ADAT1: variants seen among roughly 807,000 people sequenced by gnomAD.
The protein encoded by ADAT1 is tRNA-specific adenosine deaminase 1.
A neutral mutation model predicts 58.6 loss-of-function variants in ADAT1; 58 were observed. That is an observed-to-expected ratio of 0.99 (90% CI 0.80 to 1.23). ADAT1 has a LOEUF of 1.23. Among genes scored for constraint, ADAT1 ranks in the 50% most tolerant of loss-of-function variants. The pLI is 0.00. For synonymous variants in ADAT1, 254 were observed against 220.8 expected, an observed-to-expected ratio of 1.15 and a Z score of -1.33; for missense variants, 741 against 608.6, an observed-to-expected ratio of 1.22 and a Z score of -2.29.
intron 4 of ADAT1, 85 bp downstream of exon 4, chr16:75,618,501 G>A (rs1259815617): frequency 1.8e-5 from 16 of 906,406 alleles, no homozygotes; most frequent in Non-Finnish European, 2.3e-5. Flanking sequence ...GCAAGACTCT[G>A]TCCCCCCCAA....
At chr16:75,613,390 C>T (rs2151767458) in intron 5 of ADAT1, among the ~76,000 whole-genome samples, 1 of 152,274 alleles carries the variant, frequency 6.6e-6, no homozygotes, top group South Asian at 2.1e-4. Flanking sequence ...CAATCTCTAC[C>T]TCCTGGGTTC....
chr16:75,609,507 A>C (rs960764775), intron 6 of ADAT1, among the ~76,000 whole-genome samples: 25 of 152,322 alleles, frequency 1.6e-4, no homozygotes, highest in Admixed American at 9.8e-4. Flanking sequence ...TTTTTTAAAA[A>C]AAAACAAAAA....
chr16:75,604,456 AATATAT>A (rs769971149), intron 8 of ADAT1, among the ~76,000 whole-genome samples: 7 of 48,786 alleles, frequency 1.4e-4, no homozygotes, highest in African/African-American at 4.2e-4. Flanking sequence ...AAAAAAAAAA[AATATAT>A]ATATATATAT....
chr16:75,621,246 T>G (rs945826231), intron 1 of ADAT1, among the ~76,000 whole-genome samples: 5 of 127,078 alleles, frequency 3.9e-5, no homozygotes, highest in African/African-American at 1.4e-4. Context: ...CTTATCTGTC[T>G]TCTTTTTCCA....
chr16:75,611,886 C>T (rs189946450), intron 6 of ADAT1, among the ~76,000 whole-genome samples: 298 of 151,752 alleles, frequency 2.0e-3, no homozygotes, highest in African/African-American at 3.5e-3. Context: ...GGTGAAACCC[C>T]GTCTCTACTA....
chr16:75,600,350 T>A lies in ADAT1; in HGVS notation c.1377-2A>T. 6.2e-7 allele frequency: 1 copy of A among 1,613,370 alleles called. No individual in the cohort carries two copies. ...TGGTAGGTATCCAGCTTCTGCACCC[T>A]AATGCACACAGGCCACCAAATACAC... is the stretch of plus-strand genomic sequence containing the variant. On this transcript the variant is annotated splice_acceptor_variant, in intron 9 of 9. Coordinates refer to ENST00000564657, the MANE Select transcript of ADAT1 (RefSeq NM_001324445.2). LOFTEE classifies it high-confidence loss of function.
chr16:75,609,038 C>G, intron 6 of ADAT1, 50 bp from the exon 7 acceptor site: 2 of 1,605,472 alleles, frequency 1.2e-6, no homozygotes, highest in South Asian at 2.2e-5. Flanking sequence ...CTAGAGAAAA[C>G]AGTATCTAGG....
At chr16:75,617,078 T>C (rs1349693982) in intron 5 of ADAT1, 64 bp downstream of exon 5, 5 of 1,536,780 alleles carry the variant, frequency 3.3e-6, no homozygotes, top group East Asian at 2.3e-5. Context: ...AACCTACCTA[T>C]GGATAACACA....
Position 75,612,397 on chromosome 16 carries a change from T to C in ADAT1, c.889A>G (p.Met297Val), listed in dbSNP as rs974210484. ...CGGGCCATCTTGTCACTACAGGACA[T>C]GGAGCGTGTTCTGTCTCCACGGCCT... is the stretch of plus-strand genomic sequence containing the variant. ...KPGRGDRTRSMSCSDKMARWN... is the reference protein window; with the variant it reads ...KPGRGDRTRSVSCSDKMARWN... Residue 297 changes from methionine to valine, a missense_variant, in exon 6 of 10, where the codon ATG (methionine) becomes GTG (valine). Met to Val is a conservative substitution (Grantham distance 21, BLOSUM62 1). Transcript: ENST00000564657. The C allele has an allele frequency of 1.2e-6, 2 of 1,614,116 alleles. No individual in the cohort carries two copies. Among genetic ancestry groups the C allele is most frequent in the African/African-American group, 1.3e-5 (1 of 74,944 alleles).
At position 75,605,739 on chromosome 16, in the gene ADAT1, C is replaced by G. The variant is rs181031116; in HGVS notation, c.1289+2485G>C. 3.8e-3 allele frequency among the ~76,000 whole-genome samples: 570 copies of G among 151,606 alleles called. 1 individual carries two copies. The highest frequency in any genetic ancestry group is 5.9e-3 in the Non-Finnish European group (403 of 67,892). On this transcript the variant is annotated intron_variant, in intron 8 of 9. Transcript: ENST00000564657. ...TCACCTGAGGTCAGGAGTTCAAGAC[C>G]AGCCTGCCCAACATGGCAAAATCCC...
At chr16:75,604,019 C>G (rs1363034673) in intron 8 of ADAT1, among the ~76,000 whole-genome samples, 1 of 152,166 alleles carries the variant, frequency 6.6e-6, no homozygotes, top group African/African-American at 2.4e-5. Flanking sequence ...TCAGACACTG[C>G]TCTCCCAGGG....
At chr16:75,611,169 T>A (rs569762206) in intron 6 of ADAT1, among the ~76,000 whole-genome samples, 40 of 152,010 alleles carry the variant, frequency 2.6e-4, no homozygotes, top group Non-Finnish European at 5.3e-4. Context: ...AAAACATATA[T>A]AATGGCAATG....
At chr16:75,608,155 T>C in intron 8 of ADAT1, 69 bp downstream of exon 8, 3 of 1,356,386 alleles carry the variant, frequency 2.2e-6, no homozygotes, top group Admixed American at 1.7e-5. Flanking sequence ...AATAAAAATG[T>C]TCTAGAATTA....
At chr16:75,620,435 C>A in intron 2 of ADAT1, 101 bp from the exon 3 acceptor site, 1 of 1,440,380 alleles carries the variant, frequency 6.9e-7, no homozygotes, top group South Asian at 1.2e-5. Context: ...TTCCCAGAGG[C>A]CCACTCAACC....
At chr16:75,615,501 A>ATT (rs1567479988) in intron 5 of ADAT1, among the ~76,000 whole-genome samples, 3 of 136,764 alleles carry the variant, frequency 2.2e-5, no homozygotes, top group African/African-American at 7.5e-5. Context: ...AAAAAAAAAA[A>ATT]AAAAAAAAAA....
rs1372064972 is a variant in ADAT1 at position 75,620,286 on chromosome 16, T to C, written c.218A>G (p.Gln73Arg). 6.2e-7 allele frequency: 1 copy of C among 1,614,206 alleles called. No individual in the cohort carries two copies. Among genetic ancestry groups the C allele is most frequent in the Non-Finnish European group, 8.5e-7 (1 of 1,180,012 alleles). The change falls in exon 3 of 10, where the codon CAG becomes CGG. Residue 73 changes from glutamine to arginine, a missense_variant. Physicochemically the swap from Gln to Arg is conservative, Grantham distance 43. Coordinates refer to ENST00000564657, the MANE Select transcript of ADAT1 (RefSeq NM_001324445.2). ...SMGTGTKCIG[Q>R]SKMRKNGDIL... is the part of the protein sequence containing the mutation. ...CTTACCGTTCTTCCTCATTTTGGAC[T>C]GTCCTATGCATTTTGTTCCTGTTCC...
Position 75,599,519 on chromosome 16 carries a change from T to C in ADAT1, c.*697A>G, listed in dbSNP as rs2081167377. 1.0e-6 allele frequency: 1 copy of C among 985,926 alleles called. No individual in the cohort carries two copies. Among genetic ancestry groups the C allele is most frequent in the Non-Finnish European group, 1.2e-6 (1 of 829,958 alleles). The allele number at this position is 985,926 out of a possible 1,614,324, so 61.1% of individuals were successfully genotyped here. ...CAGTGTTACTAGATCTTTGATTCTC[T>C]TGGCTGTTTCCTTTGTTGCCTTCAT... On this transcript the variant is annotated 3_prime_UTR_variant, in exon 10 of 10. Coordinates refer to ENST00000564657, the MANE Select transcript of ADAT1 (RefSeq NM_001324445.2).
chr16:75,605,478 C>T (rs80282910), intron 8 of ADAT1, among the ~76,000 whole-genome samples: 25,144 of 151,932 alleles, frequency 0.17, 3,765 homozygotes, highest in East Asian at 0.73. Flanking sequence ...ATACATAATA[C>T]GTGTTAATTG....
At chr16:75,610,696 G>C (rs1010417082) in intron 6 of ADAT1, among the ~76,000 whole-genome samples, 1 of 152,152 alleles carries the variant, frequency 6.6e-6, no homozygotes, top group African/African-American at 2.4e-5. Flanking sequence ...GGGCCTATGA[G>C]GCTTGCCCTG....
Sources: allele counts gnomAD v4.1 joint callset (sites outside exome capture counted in the v4.1 genomes callset), GRCh38; gene constraint gnomAD v4.1.1; transcripts MANE v1.5; gene names NCBI Gene and HGNC (gene_info 2026-07-23, HGNC 2026-07-21).